Variants in TMEM131L observed in about 807,000 individuals in gnomAD.
The protein encoded by TMEM131L is transmembrane protein 131-like.
A neutral mutation model predicts 192.2 loss-of-function variants in TMEM131L; 54 were observed. That is an observed-to-expected ratio of 0.28 (90% CI 0.23 to 0.35). The LOEUF (loss-of-function observed/expected upper bound fraction) is 0.35. Ranked by LOEUF, TMEM131L falls within the 10% of genes least tolerant of loss-of-function variation. TMEM131L has a pLI of 1.00. For missense variants in TMEM131L, 1,888 were observed against 1,972.9 expected, an observed-to-expected ratio of 0.96 and a Z score of 0.82; for synonymous variants, 701 against 704.9, an observed-to-expected ratio of 0.99 and a Z score of 0.09.
At chr4:153,581,220 C>G (rs1190285531) in intron 8 of TMEM131L, among the ~76,000 whole-genome samples, 187 bp from the exon 9 acceptor site, 1 of 152,216 alleles carries the variant, frequency 6.6e-6, no homozygotes. Context: ...CACCACTGCA[C>G]TCCAGCCTGG....
At chr4:153,634,122 C>A in intron 32 of TMEM131L, 70 bp from the exon 33 acceptor site, 1 of 1,310,098 alleles carries the variant, frequency 7.6e-7, no homozygotes, top group South Asian at 1.2e-5. Flanking sequence ...GCAGTAAAAT[C>A]ATTTTCCATT....
intron 3 of TMEM131L, among the ~76,000 whole-genome samples, chr4:153,502,124 T>TG (rs1213562075): frequency 6.6e-6 from 1 of 151,886 alleles, no homozygotes; most frequent in Non-Finnish European, 1.5e-5. Flanking sequence ...GCTAATTTTT[T>TG]GTAGAGATGA....
intron 12 of TMEM131L, 33 bp downstream of exon 12, chr4:153,584,964 A>T (rs374932032): frequency 6.8e-7 from 1 of 1,476,210 alleles, no homozygotes; most frequent in East Asian, 2.3e-5. Flanking sequence ...GAAATCTTGT[A>T]TGGTTGTTGT....
chr4:153,572,460 A>T (rs987347895), intron 7 of TMEM131L, among the ~76,000 whole-genome samples: 1 of 152,028 alleles, frequency 6.6e-6, no homozygotes, highest in African/African-American at 2.4e-5. Context: ...CCTCCCAAGT[A>T]GCTGGGATTA....
At chr4:153,597,796 G>T (rs989327289) in intron 20 of TMEM131L, among the ~76,000 whole-genome samples, 1 of 152,100 alleles carries the variant, frequency 6.6e-6, no homozygotes, top group African/African-American at 2.4e-5. Context: ...AGCTGGGCAT[G>T]GTGATGCTTG....
intron 3 of TMEM131L, among the ~76,000 whole-genome samples, chr4:153,513,581 A>G (rs2150090597): frequency 6.6e-6 from 1 of 152,298 alleles, no homozygotes; most frequent in Admixed American, 6.5e-5. Context: ...TTAATAATAA[A>G]TGTAATACTA....
chr4:153,498,928 C>G (rs1349149278), intron 3 of TMEM131L, among the ~76,000 whole-genome samples: 1 of 152,236 alleles, frequency 6.6e-6, no homozygotes, highest in African/African-American at 2.4e-5. Context: ...AACTTCACAA[C>G]ACTGCACAAT....
chr4:153,484,531 C>T (rs138328723), intron 3 of TMEM131L, among the ~76,000 whole-genome samples: 2,730 of 150,818 alleles, frequency 0.018, 87 homozygotes, highest in African/African-American at 0.06. Flanking sequence ...TGCAGTGGCA[C>T]GATCTTGGCT....
intron 20 of TMEM131L, among the ~76,000 whole-genome samples, chr4:153,597,649 C>T (rs1731535268): frequency 6.6e-6 from 1 of 152,090 alleles, no homozygotes; most frequent in East Asian, 1.9e-4. Context: ...AAATCATTTC[C>T]AGGCCAGGTG....
At chr4:153,563,332 C>G (rs1398261566) in intron 7 of TMEM131L, among the ~76,000 whole-genome samples, 1 of 151,900 alleles carries the variant, frequency 6.6e-6, no homozygotes, top group African/African-American at 2.4e-5. Context: ...TATGAGTTAT[C>G]TGTTGCAAAA....
chr4:153,615,421 G>A (rs770945740), intron 26 of TMEM131L, among the ~76,000 whole-genome samples: 6 of 152,340 alleles, frequency 3.9e-5, no homozygotes, highest in Non-Finnish European at 7.3e-5. Context: ...CCCATGTGGT[G>A]GTTGGACATG....
rs903152017 is a variant in TMEM131L, at chr4:153,555,010, C to G, written c.309-777C>G. ...TTGCCACGGAGCAGGGATTCTTACT[C>G]TGAGGTTTGTGGAAGGTTTTGAAGC... On this transcript the variant is annotated intron_variant, in intron 4 of 34. Transcript: ENST00000409959. The surrounding 1 kb of genome is among the most constrained non-coding windows in gnomAD (Gnocchi z 4.1). 6.6e-6 allele frequency among the ~76,000 whole-genome samples: 1 copy of G among 152,160 alleles called. No homozygotes were observed. Among genetic ancestry groups the G allele is most frequent in the African/African-American group, 2.4e-5 (1 of 41,442 alleles).
intron 3 of TMEM131L, among the ~76,000 whole-genome samples, chr4:153,547,126 T>C (rs1036708972): frequency 6.6e-6 from 1 of 152,224 alleles, no homozygotes; most frequent in Non-Finnish European, 1.5e-5. Context: ...AAATAACTTA[T>C]TTTATGACTC....
At chr4:153,548,594 C>T (rs532397464) in intron 3 of TMEM131L, among the ~76,000 whole-genome samples, 7 of 152,072 alleles carry the variant, frequency 4.6e-5, no homozygotes, top group South Asian at 2.1e-4. Flanking sequence ...TGAGCCACTG[C>T]GTCCGGCGGC....
chr4:153,539,748 G>C (rs1047667115), intron 3 of TMEM131L, among the ~76,000 whole-genome samples: 1 of 151,582 alleles, frequency 6.6e-6, no homozygotes, highest in African/African-American at 2.4e-5. Context: ...TGGCAATCTT[G>C]TTAACATTCT....
At position 153,586,338 on chromosome 4, in the gene TMEM131L, A is replaced by AT; in HGVS notation, c.1446dup (p.Ala483CysfsTer19). ...ATTTTTGACTACAAACATAGGTGCC[A>AT]TTTTTGCAATACCTCTACAGATTTA... On this transcript the variant is annotated frameshift_variant, in exon 14 of 35. Transcript: ENST00000409959. LOFTEE classifies it high-confidence loss of function. 6.2e-7 allele frequency: 1 copy of AT among 1,605,172 alleles called. No homozygotes were observed. The highest frequency in any genetic ancestry group is 8.5e-7 in the Non-Finnish European group (1 of 1,176,902).
intron 3 of TMEM131L, among the ~76,000 whole-genome samples, chr4:153,515,022 G>T (rs1734634148): frequency 6.6e-6 from 1 of 151,910 alleles, no homozygotes; most frequent in African/African-American, 2.4e-5. Flanking sequence ...ATGTTGGCCA[G>T]GCTGGTCTCG....
At position 153,545,290 on chromosome 4, in the gene TMEM131L, C is replaced by CTTTTTTTTTTTTTTTTTTTTT. The variant is rs59852943; in HGVS notation, c.240-4768_240-4767insTTTTTTTTTTTTTTTTTTTTT. ...CTCTTGTATCAGCCACTTTTTCAAA[C>CTTTTTTTTTTTTTTTTTTTTT]TTTTTTTTTTTTTTTGAGATGGAGT... On this transcript the variant is annotated intron_variant, in intron 3 of 34. Transcript: ENST00000409959. Among the ~76,000 whole-genome samples, 87 of 132,300 alleles carry CTTTTTTTTTTTTTTTTTTTTT rather than the reference C, an allele frequency of 6.6e-4. 5 individuals are homozygous for CTTTTTTTTTTTTTTTTTTTTT. The highest frequency in any genetic ancestry group is 3.9e-3 in the Middle Eastern group (1 of 258). The allele number at this position is 132,300 out of a possible 152,430, so 86.8% of individuals were successfully genotyped here.
In TMEM131L at chr4:153,636,499, G is replaced by A. The variant is rs1734584617; in HGVS notation, c.4756G>A (p.Asp1586Asn). 3 of 1,614,006 alleles carry A rather than the reference G, an allele frequency of 1.9e-6. No individual in the cohort carries two copies. The highest frequency in any genetic ancestry group is 1.7e-6 in the Non-Finnish European group (2 of 1,180,010). ...CCCGTTTCGCGCCTATATGAACCTG[G>A]ACATATGGACTACCACAGCGAATAG... ...FNPFRAYMNL[D>N]IWTTTANRNA... Residue 1586 changes from aspartate to asparagine, a missense_variant, in exon 35 of 35, where the codon GAC (aspartate) becomes AAC (asparagine). By Grantham distance (23) the Asp-to-Asn change is conservative. Coordinates refer to ENST00000409959, the MANE Select transcript of TMEM131L (RefSeq NM_001131007.2).
Sources: allele counts gnomAD v4.1 joint callset (sites outside exome capture counted in the v4.1 genomes callset), GRCh38; gene constraint gnomAD v4.1.1; non-coding constraint Gnocchi (gnomAD v3.1); transcripts MANE v1.5; gene names NCBI Gene and HGNC (gene_info 2026-07-23, HGNC 2026-07-21).